Variants in ROBO2 observed in about 807,000 individuals in gnomAD.
The protein encoded by ROBO2 is roundabout homolog 2.
A neutral mutation model predicts 160.8 loss-of-function variants in ROBO2; 53 were observed. The observed-to-expected ratio is 0.33, with a 90% CI of 0.26 to 0.41. ROBO2 has a LOEUF of 0.41. Ranked by LOEUF, ROBO2 falls within the 10% of genes least tolerant of loss-of-function variation. The pLI is 1.00. For missense variants in ROBO2, 1,577 were observed against 1,722.4 expected (o/e 0.92, Z 1.49); for synonymous variants, 664 against 611.7 (o/e 1.09, Z -1.26).
intron 2 of ROBO2, among the ~76,000 whole-genome samples, chr3:75,963,149 T>G (rs1948982956): frequency 6.6e-6 from 1 of 151,800 alleles, no homozygotes; most frequent in African/African-American, 2.4e-5. Context: ...GAGTTTCTTT[T>G]AGTCTTAAGT....
intron 2 of ROBO2, among the ~76,000 whole-genome samples, chr3:76,865,099 A>G (rs1259345889): frequency 6.6e-6 from 1 of 151,988 alleles, no homozygotes; most frequent in Non-Finnish European, 1.5e-5. Flanking sequence ...CTTACAGACC[A>G]TTCTATTTCC....
At chr3:76,607,941 A>C (rs1160797154) in intron 2 of ROBO2, among the ~76,000 whole-genome samples, 1 of 152,188 alleles carries the variant, frequency 6.6e-6, no homozygotes, top group African/African-American at 2.4e-5. Context: ...CTATCTTCCT[A>C]ACTGGTTTTC....
At chr3:76,360,534 A>C (rs1478555238) in intron 2 of ROBO2, among the ~76,000 whole-genome samples, 1 of 152,146 alleles carries the variant, frequency 6.6e-6, no homozygotes, top group African/African-American at 2.4e-5. Flanking sequence ...AAACAAAATA[A>C]ACTTTCGCTT....
chr3:76,751,965 T>A (rs1227365686), intron 2 of ROBO2, among the ~76,000 whole-genome samples: 1 of 152,102 alleles, frequency 6.6e-6, no homozygotes, highest in Non-Finnish European at 1.5e-5. Flanking sequence ...TGTTTATAAA[T>A]CATACTCCCA....
At chr3:77,426,482 G>C (rs996428361) in intron 2 of ROBO2, among the ~76,000 whole-genome samples, 2 of 151,950 alleles carry the variant, frequency 1.3e-5, no homozygotes, top group Middle Eastern at 3.2e-3. Flanking sequence ...ATAAGGATTT[G>C]AATAATGGGA....
intron 2 of ROBO2, among the ~76,000 whole-genome samples, chr3:75,960,512 T>TTA (rs1948872702): frequency 6.6e-6 from 1 of 151,754 alleles, no homozygotes; most frequent in Non-Finnish European, 1.5e-5. Context: ...GGTGGTTTCA[T>TTA]TATATATATA....
intron 2 of ROBO2, among the ~76,000 whole-genome samples, chr3:77,118,727 G>T (rs931584406): frequency 6.6e-6 from 1 of 152,114 alleles, no homozygotes; most frequent in Non-Finnish European, 1.5e-5. Flanking sequence ...ATACAGTCAC[G>T]CATTGCTTAA....
intron 22 of ROBO2, among the ~76,000 whole-genome samples, chr3:77,618,382 A>G (rs1393376719): frequency 6.6e-6 from 1 of 152,172 alleles, no homozygotes; most frequent in African/African-American, 2.4e-5. Flanking sequence ...TAATCTATAA[A>G]CTTTTGTAAA....
intron 2 of ROBO2, among the ~76,000 whole-genome samples, chr3:76,052,354 G>C (rs1437525935): frequency 6.6e-6 from 1 of 152,130 alleles, no homozygotes; most frequent in East Asian, 1.9e-4. Flanking sequence ...GATGATTTCT[G>C]TTCTATAATA....
chr3:77,259,082 C>G (rs1355997920), intron 2 of ROBO2, among the ~76,000 whole-genome samples: 1 of 152,186 alleles, frequency 6.6e-6, no homozygotes. Context: ...CATTTAAGAT[C>G]TCACTTCCTG....
chr3:77,205,105 G>A (rs1257095765), intron 2 of ROBO2, among the ~76,000 whole-genome samples: 5 of 152,128 alleles, frequency 3.3e-5, no homozygotes, highest in Non-Finnish European at 1.5e-5. Context: ...CTTTCTGTCC[G>A]CAGACAGCTT....
At chr3:76,918,965 CTT>C (rs80159352) in intron 2 of ROBO2, among the ~76,000 whole-genome samples, 54 of 147,210 alleles carry the variant, frequency 3.7e-4, no homozygotes, top group African/African-American at 6.9e-4. Context: ...ACATGTATGT[CTT>C]TTTTTTTTTT....
At chr3:76,805,647 G>A (rs986559167) in intron 2 of ROBO2, among the ~76,000 whole-genome samples, 12 of 147,482 alleles carry the variant, frequency 8.1e-5, no homozygotes, top group African/African-American at 3.0e-4. Context: ...TTTTGTTCAT[G>A]AGCCTCTTAA....
At chr3:76,216,512 A>C (rs1379220988) in intron 2 of ROBO2, among the ~76,000 whole-genome samples, 1 of 152,194 alleles carries the variant, frequency 6.6e-6, no homozygotes, top group Non-Finnish European at 1.5e-5. Context: ...TTGCAATCCT[A>C]GTCTCTGATA....
At chr3:75,937,950 T>G (rs1418343740) in intron 2 of ROBO2, among the ~76,000 whole-genome samples, 2 of 149,754 alleles carry the variant, frequency 1.3e-5, no homozygotes, top group Non-Finnish European at 3.0e-5. Flanking sequence ...GTTTGTGGTA[T>G]TTTATAAGAA....
chr3:77,257,645 G>A (rs938789373), intron 2 of ROBO2, among the ~76,000 whole-genome samples: 2 of 152,170 alleles, frequency 1.3e-5, no homozygotes, highest in Non-Finnish European at 2.9e-5. Context: ...AAAACCCTTT[G>A]CACAGTTGTA....
chr3:76,567,757 A>ATG (rs72214713), intron 2 of ROBO2, among the ~76,000 whole-genome samples: 6 of 83,856 alleles, frequency 7.2e-5, no homozygotes, highest in African/African-American at 2.5e-4. Context: ...ATATATATAT[A>ATG]TCTGTCTGTG....
rs75835681 is a variant in ROBO2, at chr3:75,957,197, G to T, written c.109+19595G>T. Among the ~76,000 whole-genome samples the T allele has an allele frequency of 8.4e-3, 1,257 of 150,426 alleles. 18 individuals carry two copies. The highest frequency in any genetic ancestry group is 0.029 in the African/African-American group (1,173 of 41,054). On this transcript the variant is annotated intron_variant, in intron 2 of 26. Transcript: ENST00000487694. ...AAACATATTGAAGTTGGAATTCCAG[G>T]TAACTGTATACACGCACACACACAC...
chr3:76,806,380 G>A (rs1208671264), intron 2 of ROBO2, among the ~76,000 whole-genome samples: 1 of 151,862 alleles, frequency 6.6e-6, no homozygotes, highest in African/African-American at 2.4e-5. Flanking sequence ...GTCTAGATGA[G>A]TAAATAAATG....
Sources: gnomAD v4.1 joint callset for allele counts (sites outside exome capture counted in the v4.1 genomes callset) on GRCh38, gnomAD v4.1.1 for gene constraint, MANE v1.5 for transcripts, NCBI Gene and HGNC (gene_info 2026-07-23, HGNC 2026-07-21) for gene names.